The following GPC3 variants were observed in gnomAD, a reference collection of about 807,000 sequenced individuals.
The protein encoded by GPC3 is glypican-3.
A neutral mutation model predicts 34.4 loss-of-function variants in GPC3; 3 were observed. That is an observed-to-expected ratio of 0.09 (90% confidence interval 0.04 to 0.23). The LOEUF (loss-of-function observed/expected upper bound fraction) is 0.23, where lower values mean the gene tolerates loss of function less well. Ranked by LOEUF, GPC3 falls within the 10% of genes least tolerant of loss-of-function variation. The probability of loss-of-function intolerance (pLI) is 1.00; values close to 1 mark genes in which losing one functional copy is unlikely to be tolerated. For synonymous variants in GPC3, 177 were observed against 174.0 expected (o/e 1.02, Z -0.13); for missense variants, 351 against 445.6 (o/e 0.79, Z 1.91).
chrX:133,633,122 T>C (rs2070382724), intron 6 of GPC3, among the ~76,000 whole-genome samples: 1 of 111,913 alleles, frequency 8.9e-6, no homozygotes, highest in South Asian at 3.7e-4. Context: ...ATGTCATTTC[T>C]CCAGTAATAA....
intron 7 of GPC3, among the ~76,000 whole-genome samples, chrX:133,594,887 T>G (rs1239781980): frequency 9.2e-6 from 1 of 108,953 alleles, no homozygotes; most frequent in African/African-American, 3.3e-5. Flanking sequence ...TAATAAAAAA[T>G]AAATAAATCA....
At chrX:133,741,697 T>G (rs1375887780) in intron 3 of GPC3, among the ~76,000 whole-genome samples, 21 of 112,930 alleles carry the variant, frequency 1.9e-4, no homozygotes, top group Non-Finnish European at 7.5e-5. Flanking sequence ...AATCCCCGTC[T>G]CATTAGTATT....
At chrX:133,567,258 A>C (rs1015479842) in intron 7 of GPC3, among the ~76,000 whole-genome samples, 6 of 112,250 alleles carry the variant, frequency 5.3e-5, no homozygotes. Context: ...GAAGATGTAT[A>C]TCTATGACAT....
rs181196474 is a variant in GPC3 at position 133,878,318 on chromosome X, T to G, written c.337+74732A>C. Among the ~76,000 whole-genome samples, 3 of 110,441 alleles carry G rather than the reference T, an allele frequency of 2.7e-5. No individual in the cohort carries two copies. In the East Asian group the frequency reaches 8.5e-4, roughly 31 times the overall value. The stretch of plus-strand genomic sequence containing the variant: ...GGCAGATGCCTGTAATCCCAACTAC[T>G]TGGGAGGCCGAGGCAGGAGAATTGC... On this transcript the variant is annotated intron_variant, in intron 2 of 7. Coordinates refer to ENST00000370818, the MANE Select transcript of GPC3 (RefSeq NM_004484.4).
At chrX:133,693,470 A>AAAATT (rs2071085761) in intron 4 of GPC3, among the ~76,000 whole-genome samples, 1 of 112,056 alleles carries the variant, frequency 8.9e-6, no homozygotes, top group Non-Finnish European at 1.9e-5. Context: ...TTACTGGTAG[A>AAAATT]AAATTAAAGC....
chrX:133,770,188 G>C (rs1434638889), intron 2 of GPC3, among the ~76,000 whole-genome samples: 1 of 111,248 alleles, frequency 9.0e-6, no homozygotes, highest in Non-Finnish European at 1.9e-5. Context: ...GAGGCAGGGG[G>C]ACTGCTTGAG....
At chrX:133,964,573 T>C (rs1455054824) in intron 1 of GPC3, among the ~76,000 whole-genome samples, 1 of 112,146 alleles carries the variant, frequency 8.9e-6, no homozygotes, top group African/African-American at 3.2e-5. Flanking sequence ...TAGACATTAT[T>C]GGGCAGAAAC....
chrX:133,539,771 T>C (rs1033932554), intron 7 of GPC3, among the ~76,000 whole-genome samples: 1 of 112,325 alleles, frequency 8.9e-6, no homozygotes, highest in Non-Finnish European at 1.9e-5. Context: ...TTATAATTGG[T>C]GGGAATCCCA....
rs776268390 is a variant in GPC3 at position 133,934,041 on chromosome X, AT to A, written c.337+19008del. On this transcript the variant is annotated intron_variant, in intron 2 of 7. Transcript: ENST00000370818. ...CACCATGCCCGGCTAAATTTTTTGT[AT>A]TTTTTTTTTTCAGTAGAGATGGGGT... Among the ~76,000 whole-genome samples, 22 of 85,920 alleles carry A rather than the reference AT, an allele frequency of 2.6e-4. 1 individual carries two copies. The highest frequency in any genetic ancestry group is 8.1e-4 in the Admixed American group (6 of 7,445). 74.6% of individuals were successfully genotyped at this position (85,920 alleles called of 115,157 possible).
At chrX:133,713,358 T>C (rs369955492) in intron 3 of GPC3, among the ~76,000 whole-genome samples, 1 of 112,327 alleles carries the variant, frequency 8.9e-6, no homozygotes, top group African/African-American at 3.2e-5. Context: ...ACTGCAATAG[T>C]AGTCATTGTA....
At chrX:133,785,180 G>A (rs1280828024) in intron 2 of GPC3, among the ~76,000 whole-genome samples, 3 of 111,300 alleles carry the variant, frequency 2.7e-5, no homozygotes, top group Non-Finnish European at 5.6e-5. Flanking sequence ...CCCCAGGTCT[G>A]ATTCTCTCTT....
At chrX:133,655,739 A>T (rs756176422) in intron 6 of GPC3, among the ~76,000 whole-genome samples, 11 of 111,474 alleles carry the variant, frequency 9.9e-5, no homozygotes, top group Non-Finnish European at 1.5e-4. Flanking sequence ...TACAACTCTC[A>T]CTGGTGTTAT....
chrX:133,876,148 C>G (rs775225953), intron 2 of GPC3, among the ~76,000 whole-genome samples: 1 of 112,296 alleles, frequency 8.9e-6, no homozygotes, highest in Non-Finnish European at 1.9e-5. Flanking sequence ...ATTACTGTAA[C>G]ATGATCATAA....
rs113868484 is a variant in GPC3, at chrX:133,821,905, C to T, written c.338-67729G>A. Among the ~76,000 whole-genome samples the T allele has an allele frequency of 4.4e-4, 49 of 111,457 alleles. No individual in the cohort carries two copies. The East Asian group carries it at 9.5e-3, about 22-fold the overall frequency. The stretch of plus-strand genomic sequence containing the variant: ...TGCTTTGGTTTGATTGAAGAGTCAT[C>T]GTTGAATTGGCATCACTTGACCCAG... On this transcript the variant is annotated intron_variant, in intron 2 of 7. Coordinates refer to ENST00000370818, the MANE Select transcript of GPC3 (RefSeq NM_004484.4).
chrX:133,755,110 T>C (rs2071714692), intron 2 of GPC3, among the ~76,000 whole-genome samples: 1 of 111,767 alleles, frequency 8.9e-6, no homozygotes, highest in African/African-American at 3.3e-5. Flanking sequence ...TACATTTACA[T>C]GAGGGAAGGA....
chrX:133,601,519 A>T (rs895099172), intron 6 of GPC3, among the ~76,000 whole-genome samples: 8 of 112,332 alleles, frequency 7.1e-5, no homozygotes, highest in African/African-American at 2.3e-4. Flanking sequence ...TAAATGTCAT[A>T]CTTTAAATGG....
chrX:133,684,281 A>C (rs771102683), intron 5 of GPC3, among the ~76,000 whole-genome samples: 1 of 112,049 alleles, frequency 8.9e-6, no homozygotes, highest in East Asian at 2.8e-4. Context: ...AACTGTGGAG[A>C]TAGATAGTGA....
intron 6 of GPC3, among the ~76,000 whole-genome samples, chrX:133,659,379 G>T (rs2124398886): frequency 9.0e-6 from 1 of 111,533 alleles, no homozygotes; most frequent in South Asian, 3.8e-4. Context: ...CCATTTTCTA[G>T]GGTGGGGTCC....
rs549642456 is a variant in GPC3 at position 133,659,215 on chromosome X, G to A, written c.1413+2515C>T. The stretch of plus-strand genomic sequence containing the variant: ...GGTTAACTGATTTACCCAAAGTTAT[G>A]CGCCTAGCAAAATCTATAACTGAAT... On this transcript the variant is annotated intron_variant, in intron 6 of 7. Transcript: ENST00000370818. Among the ~76,000 whole-genome samples, 8 of 112,565 alleles carry A rather than the reference G, an allele frequency of 7.1e-5. No homozygotes were observed. In the South Asian group the frequency reaches 1.5e-3, roughly 21 times the overall value.
Sources: gnomAD v4.1 joint callset for allele counts (sites outside exome capture counted in the v4.1 genomes callset) on GRCh38, gnomAD v4.1.1 for gene constraint, MANE v1.5 for transcripts, NCBI Gene and HGNC (gene_info 2026-07-23, HGNC 2026-07-21) for gene names.